Variants in NRXN2 observed in about 807,000 individuals in gnomAD.
The protein encoded by NRXN2 is neurexin-2-beta.
NRXN2 carries 29 observed loss-of-function variants against 128.8 expected under a neutral mutation model. That is an observed-to-expected ratio of 0.23 (90% confidence interval 0.17 to 0.31). The LOEUF is 0.31. Ranked by LOEUF, NRXN2 falls within the 10% of genes least tolerant of loss-of-function variation. The pLI is 1.00. For synonymous variants in NRXN2, 1,098 were observed against 1,075.2 expected, an observed-to-expected ratio of 1.02 and a Z score of -0.41; for missense variants, 1,881 against 2,452.6, an observed-to-expected ratio of 0.77 and a Z score of 4.92.
intron 17 of NRXN2, among the ~76,000 whole-genome samples, chr11:64,640,198 G>A (rs912857796): frequency 6.6e-6 from 1 of 152,082 alleles, no homozygotes; most frequent in Non-Finnish European, 1.5e-5. Context: ...GTGATCCTAA[G>A]GCCAACATTC....
intron 17 of NRXN2, among the ~76,000 whole-genome samples, chr11:64,641,343 G>T (rs1260855088): frequency 1.3e-5 from 2 of 152,130 alleles, no homozygotes; most frequent in Admixed American, 6.5e-5. Context: ...AAGGTGCAGA[G>T]ATGGGAAGTG....
intron 17 of NRXN2, among the ~76,000 whole-genome samples, chr11:64,638,153 G>A (rs993204725): frequency 1.1e-4 from 16 of 152,164 alleles, no homozygotes; most frequent in African/African-American, 1.7e-4. Flanking sequence ...CGCCCCCGAG[G>A]CCCGCGGCGC....
intron 6 of NRXN2, among the ~76,000 whole-genome samples, chr11:64,681,183 G>T (rs1009077153): frequency 6.6e-6 from 1 of 150,958 alleles, no homozygotes; most frequent in East Asian, 1.9e-4. Flanking sequence ...GTAGTTCAGT[G>T]CTCACATGAA....
chr11:64,686,898 T>G (rs930097319), intron 5 of NRXN2, among the ~76,000 whole-genome samples: 2 of 152,152 alleles, frequency 1.3e-5, no homozygotes, highest in African/African-American at 2.4e-5. Flanking sequence ...CAGCATTCTG[T>G]AAGTTGGTAA....
rs1002673990 is a variant in NRXN2, at chr11:64,653,602, C to T, written c.2416+94G>A. The T allele has an allele frequency of 1.3e-5, 16 of 1,250,946 alleles. No homozygotes were observed. In the Admixed American group the frequency reaches 1.8e-4, roughly 14 times the overall value. The allele number at this position is 1,250,946 out of a possible 1,614,324, so 77.5% of individuals were successfully genotyped here. On this transcript the variant is annotated intron_variant, in intron 12 of 22. Coordinates refer to ENST00000265459, the MANE Select transcript of NRXN2 (RefSeq NM_015080.4). ...CAACCCCCATTCGAGCCAGCAATCA[C>T]GGCTTCTCTTCCTCCCAGCCTCCCT...
intron 1 of NRXN2, among the ~76,000 whole-genome samples, chr11:64,719,075 T>C (rs907011820): frequency 1.3e-5 from 2 of 152,220 alleles, no homozygotes; most frequent in Admixed American, 6.5e-5. Flanking sequence ...ATAAAGCTCC[T>C]AGTACACTGC....
chr11:64,607,562 C>A lies in NRXN2; in HGVS notation c.4773G>T (p.Arg1591=). 1 of 1,538,548 alleles carries A rather than the reference C, an allele frequency of 6.5e-7. No homozygotes were observed. Among genetic ancestry groups the A allele is most frequent in the African/African-American group, 1.4e-5 (1 of 72,802 alleles). Residue 1591 remains arginine (R), a synonymous_variant, in exon 23 of 23, where the codon CGG becomes CGT. Coordinates refer to ENST00000265459, the MANE Select transcript of NRXN2 (RefSeq NM_015080.4). ...CGCCGGGGCGCAGGGGAGGGGGCCT[C>A]CGCGGCTCAAAGGACGTGGGGGCCC... is the stretch of plus-strand genomic sequence containing the variant. The part of the protein sequence containing the change: ...GPGAPTSFEP[R]RPPPLRPGVT...
Position 64,713,616 on chromosome 11 carries a change from G to T in NRXN2, c.84C>A (p.Gly28=). 1 of 1,268,224 alleles carries T rather than the reference G, an allele frequency of 7.9e-7. No homozygotes were observed. The highest frequency in any genetic ancestry group is 1.0e-6 in the Non-Finnish European group (1 of 1,003,966). 78.6% of individuals were successfully genotyped at this position (1,268,224 alleles called of 1,614,324 possible). ...LLLALAARAD[G]LEFGGGPGQW... is the part of the protein sequence containing the mutation. ...GCCCGGGGCCGCCGCCGAACTCCAG[G>T]CCGTCCGCGCGCGCCGCCAGCGCCA... The change falls in exon 2 of 23, where the codon GGC becomes GGA. Residue 28 remains glycine, a synonymous_variant. Transcript: ENST00000265459.
intron 3 of NRXN2, among the ~76,000 whole-genome samples, chr11:64,693,497 C>A (rs2054118569): frequency 6.6e-6 from 1 of 152,026 alleles, no homozygotes; most frequent in Non-Finnish European, 1.5e-5. Flanking sequence ...CCCCTAATCC[C>A]AGTTACCCCT....
chr11:64,669,271 C>G (rs911345933), intron 7 of NRXN2, among the ~76,000 whole-genome samples: 2 of 152,218 alleles, frequency 1.3e-5, no homozygotes, highest in African/African-American at 4.8e-5. Context: ...GTTTGCACTT[C>G]TAGCCCTTTC....
At chr11:64,627,826 G>A (rs893098125) in intron 19 of NRXN2, among the ~76,000 whole-genome samples, 3 of 152,168 alleles carry the variant, frequency 2.0e-5, no homozygotes, top group Non-Finnish European at 4.4e-5. Context: ...ACTATTCAGT[G>A]CACGCTGGTG....
At chr11:64,690,364 G>C (rs1296691387) in intron 5 of NRXN2, 41 bp downstream of exon 5, 3 of 1,575,716 alleles carry the variant, frequency 1.9e-6, no homozygotes, top group Non-Finnish European at 2.6e-6. Context: ...CCTGCAGCAG[G>C]ATGAGGGCTG....
In NRXN2 at chr11:64,699,007, C is replaced by G. The variant is rs146007599; in HGVS notation, c.731-1215G>C. Among the ~76,000 whole-genome samples, 420 of 152,332 alleles carry G rather than the reference C, an allele frequency of 2.8e-3. 2 individuals are homozygous for G. The highest frequency in any genetic ancestry group is 9.2e-3 in the African/African-American group (381 of 41,572). ...CCCAGGATACACACTTATGTACACA[C>G]AGCTATCCAGTTCACACTCACGCAT... On this transcript the variant is annotated intron_variant, in intron 2 of 22. Transcript: ENST00000265459.
rs1188808580 is a variant in NRXN2, at chr11:64,714,022, C to T, written c.-244-79G>A. On this transcript the variant is annotated intron_variant, in intron 1 of 22. Transcript: ENST00000265459. This position sits in a 1 kb window ranked among gnomAD's most constrained non-coding sequence, Gnocchi z 4.5. ...CGAGAGGGGCCGTCGGTGCCGGGCT[C>T]CCCACGCATATCAGCAGGCACCAGA... 2 of 153,094 alleles carry T rather than the reference C, an allele frequency of 1.3e-5. No individual in the cohort carries two copies. Among genetic ancestry groups the T allele is most frequent in the Non-Finnish European group, 2.9e-5 (2 of 68,664 alleles). The allele number at this position is 153,094 out of a possible 1,614,324, so 9.5% of individuals were successfully genotyped here. A position where few individuals can be genotyped will look rare whatever the true frequency, so the allele number is the denominator to read the frequency against.
chr11:64,609,337 A>C (rs1237114696), intron 22 of NRXN2, among the ~76,000 whole-genome samples: 1 of 152,088 alleles, frequency 6.6e-6, no homozygotes, highest in South Asian at 2.1e-4. Context: ...TAGTTAAAAC[A>C]ATAACAAAAC....
At chr11:64,701,563 A>T (rs1207881945) in intron 2 of NRXN2, among the ~76,000 whole-genome samples, 1 of 151,992 alleles carries the variant, frequency 6.6e-6, no homozygotes, top group African/African-American at 2.4e-5. Context: ...ACATAGGGAG[A>T]CCCGTCTCTA....
intron 22 of NRXN2, among the ~76,000 whole-genome samples, chr11:64,613,171 CTG>C (rs1486119292): frequency 2.0e-5 from 3 of 152,240 alleles, no homozygotes; most frequent in Admixed American, 6.5e-5. Flanking sequence ...CACTGAGGAT[CTG>C]TGTTTCTGTG....
intron 11 of NRXN2, 90 bp from the exon 12 acceptor site, chr11:64,653,812 T>C (rs1339835334): frequency 2.7e-5 from 26 of 970,236 alleles, no homozygotes; most frequent in Non-Finnish European, 3.7e-5. Context: ...CAGGGAGGGG[T>C]GTCTGCGGGC....
intron 9 of NRXN2, among the ~76,000 whole-genome samples, chr11:64,664,267 A>G (rs2049456856): frequency 6.6e-6 from 1 of 151,708 alleles, no homozygotes; most frequent in African/African-American, 2.4e-5. Context: ...ACTTGAGGTC[A>G]GGAGTTCAAG....
Sources: gnomAD v4.1 joint callset for allele counts (sites outside exome capture counted in the v4.1 genomes callset) on GRCh38, gnomAD v4.1.1 for gene constraint, Gnocchi (gnomAD v3.1) non-coding constraint, MANE v1.5 for transcripts, NCBI Gene and HGNC (gene_info 2026-07-23, HGNC 2026-07-21) for gene names.